AK8: variants seen among roughly 807,000 people sequenced by gnomAD.
AK8 encodes adenylate kinase 8.
AK8 carries 44 observed loss-of-function variants against 54.6 expected under a neutral mutation model. That is an observed-to-expected ratio of 0.81 (90% CI 0.63 to 1.04). The LOEUF (loss-of-function observed/expected upper bound fraction) is 1.04, where lower values mean the gene tolerates loss of function less well. Ranked by LOEUF, AK8 falls within the 50% of genes least tolerant of loss-of-function variation. The pLI, the probability that AK8 is intolerant of heterozygous loss-of-function variation, is 0.00. For missense variants in AK8, 555 were observed against 613.6 expected, an observed-to-expected ratio of 0.90 and a Z score of 1.01; for synonymous variants, 239 against 245.6, an observed-to-expected ratio of 0.97 and a Z score of 0.25.
At chr9:132,872,822 T>G (rs1843909812) in intron 2 of AK8, among the ~76,000 whole-genome samples, 1 of 152,102 alleles carries the variant, frequency 6.6e-6, no homozygotes, top group Non-Finnish European at 1.5e-5. Flanking sequence ...TTGTTTTGTT[T>G]TGTTTTAGAG....
chr9:132,878,853 C>A, upstream of AK8: 1 of 861,206 alleles, frequency 1.2e-6, no homozygotes, highest in South Asian at 5.3e-5. The surrounding 1 kb of genome is among the most constrained non-coding windows in gnomAD (Gnocchi z 4.7). Flanking sequence ...CGGTAACAAT[C>A]ACGCCCGCGG....
intron 11 of AK8, among the ~76,000 whole-genome samples, chr9:132,744,080 G>A (rs1262127185): frequency 6.6e-6 from 1 of 152,142 alleles, no homozygotes; most frequent in East Asian, 1.9e-4. Context: ...CTCCCGGTGT[G>A]CTAGACCCCA....
At chr9:132,824,550 G>C (rs1028805704) in intron 8 of AK8, among the ~76,000 whole-genome samples, 2 of 152,218 alleles carry the variant, frequency 1.3e-5, no homozygotes, top group African/African-American at 4.8e-5. Context: ...GGGCACTGTA[G>C]GATGTTGAGA....
intron 10 of AK8, among the ~76,000 whole-genome samples, chr9:132,797,297 G>A (rs367933581): frequency 7.6e-4 from 115 of 151,050 alleles, no homozygotes; most frequent in African/African-American, 2.1e-3. Flanking sequence ...TAATAAACAC[G>A]AAGGAAGGAA....
At chr9:132,778,577 TC>T (rs1839326065) in intron 11 of AK8, among the ~76,000 whole-genome samples, 1 of 152,196 alleles carries the variant, frequency 6.6e-6, no homozygotes, top group African/African-American at 2.4e-5. Context: ...AATTACAGCA[TC>T]CTTCTCACTT....
chr9:132,878,257 T>C lies in AK8; in HGVS notation c.-2A>G, dbSNP rs1844241559. 3.7e-6 allele frequency: 5 copies of C among 1,368,020 alleles called. No individual in the cohort carries two copies. Among genetic ancestry groups the C allele is most frequent in the Non-Finnish European group, 2.9e-6 (3 of 1,052,030 alleles). The allele number at this position is 1,368,020 out of a possible 1,614,324, so 84.7% of individuals were successfully genotyped here. ...GTGCGGGGCGATAGTGGCGTCCATG[T>C]AGCCGTCTCGGCTCGCCGCTCCCTA... On this transcript the variant is annotated 5_prime_UTR_variant, in exon 1 of 13. Transcript: ENST00000298545. The surrounding 1 kb of genome is among the most constrained non-coding windows in gnomAD (Gnocchi z 4.7).
chr9:132,749,019 T>C (rs1368066753), intron 11 of AK8, among the ~76,000 whole-genome samples: 2 of 151,548 alleles, frequency 1.3e-5, no homozygotes, highest in African/African-American at 4.8e-5. Context: ...GGATTACAGG[T>C]ACCTGCCACC....
intron 12 of AK8, among the ~76,000 whole-genome samples, chr9:132,726,946 C>T (rs573789737): frequency 2.8e-5 from 4 of 144,744 alleles, no homozygotes; most frequent in Admixed American, 7.4e-5. Flanking sequence ...GATGACAACA[C>T]CCGCCTCTTA....
In AK8 at chr9:132,765,292, C is replaced by CAAAAAAAAAA. The variant is rs61495439; in HGVS notation, c.1121+27332_1121+27341dup. On this transcript the variant is annotated intron_variant, in intron 11 of 12. Coordinates refer to ENST00000298545, the MANE Select transcript of AK8 (RefSeq NM_152572.3). ...TGGGCAACAGAGCGAGACTCCATTT[C>CAAAAAAAAAA]AAAAAAAAAAAAAAAAAAAAAAGAG... 6.2e-4 allele frequency among the ~76,000 whole-genome samples: 39 copies of CAAAAAAAAAA among 62,794 alleles called. 1 individual carries two copies. Among genetic ancestry groups the CAAAAAAAAAA allele is most frequent in the African/African-American group, 1.9e-3 (29 of 15,020 alleles). 41.2% of individuals were successfully genotyped at this position (62,794 alleles called of 152,430 possible). A position where few individuals can be genotyped will look rare whatever the true frequency, so the allele number is the denominator to read the frequency against.
intron 11 of AK8, among the ~76,000 whole-genome samples, chr9:132,729,857 C>T (rs1042966871): frequency 1.3e-5 from 2 of 152,222 alleles, no homozygotes; most frequent in African/African-American, 4.8e-5. Flanking sequence ...AGAAAGTAAA[C>T]TCAGGCCAGA....
At position 132,854,851 on chromosome 9, in the gene AK8, T is replaced by C. The variant is rs1158332082; in HGVS notation, c.402+6A>G. 1.2e-6 allele frequency: 2 copies of C among 1,613,606 alleles called. No homozygotes were observed. The highest frequency in any genetic ancestry group is 2.2e-5 in the East Asian group (1 of 44,828). On this transcript the variant is annotated splice_donor_region_variant and intron_variant, in intron 5 of 12. Transcript: ENST00000298545. ...CACTGAAACCCCTAGCTCACTGGAGTCTTACCTGCTTGATGCAATCCTCTT... is the reference window on the plus strand; with the variant it reads ...CACTGAAACCCCTAGCTCACTGGAGCCTTACCTGCTTGATGCAATCCTCTT...
rs375577620 is a variant in AK8, at chr9:132,786,697, C to T, written c.1121+5937G>A. ...TTCCATGCACTCAGAGCTTCCAAAT[C>T]GCTTTTTAGTCTCCCATTCTTAGAC... On this transcript the variant is annotated intron_variant, in intron 11 of 12. Coordinates refer to ENST00000298545, the MANE Select transcript of AK8 (RefSeq NM_152572.3). Among the ~76,000 whole-genome samples the T allele has an allele frequency of 2.1e-4, 32 of 152,192 alleles. 1 individual carries two copies. The highest frequency in any genetic ancestry group is 4.6e-4 in the African/African-American group (19 of 41,448).
chr9:132,866,167 C>T (rs987677846), intron 3 of AK8, among the ~76,000 whole-genome samples: 2 of 152,208 alleles, frequency 1.3e-5, no homozygotes, highest in Non-Finnish European at 2.9e-5. Context: ...CACTGCATTC[C>T]AGCCTGTGTG....
At chr9:132,783,937 G>A (rs936936904) in intron 11 of AK8, among the ~76,000 whole-genome samples, 22 of 152,152 alleles carry the variant, frequency 1.4e-4, no homozygotes, top group Non-Finnish European at 2.2e-4. Context: ...CAGAAAATCC[G>A]AATTATGAAA....
intron 1 of AK8, among the ~76,000 whole-genome samples, chr9:132,875,594 G>A (rs1844058570): frequency 6.6e-6 from 1 of 152,206 alleles, no homozygotes; most frequent in Non-Finnish European, 1.5e-5. Flanking sequence ...TCCTCATCCT[G>A]GCTAACTTCT....
At chr9:132,764,185 C>T (rs543442338) in intron 11 of AK8, among the ~76,000 whole-genome samples, 2 of 152,208 alleles carry the variant, frequency 1.3e-5, no homozygotes, top group Admixed American at 1.3e-4. Flanking sequence ...TGGTGTGCAC[C>T]TATAGTCCTA....
intron 11 of AK8, among the ~76,000 whole-genome samples, chr9:132,752,660 C>T (rs931167976): frequency 6.6e-6 from 1 of 152,174 alleles, no homozygotes; most frequent in Non-Finnish European, 1.5e-5. Flanking sequence ...GCTTCCCTTC[C>T]CCCAGCTCTC....
chr9:132,811,686 C>T (rs978493941), intron 10 of AK8, among the ~76,000 whole-genome samples: 3 of 152,196 alleles, frequency 2.0e-5, no homozygotes, highest in African/African-American at 7.2e-5. Context: ...TGAGCATTCG[C>T]ACACTGATGG....
intron 11 of AK8, among the ~76,000 whole-genome samples, chr9:132,786,258 C>T (rs980750292): frequency 6.6e-6 from 1 of 152,186 alleles, no homozygotes; most frequent in Non-Finnish European, 1.5e-5. Flanking sequence ...CCTCACTCCA[C>T]CCAGCTGAGT....
Sources: allele counts gnomAD v4.1 joint callset (sites outside exome capture counted in the v4.1 genomes callset), GRCh38; gene constraint gnomAD v4.1.1; non-coding constraint Gnocchi (gnomAD v3.1); transcripts MANE v1.5; gene names NCBI Gene and HGNC (gene_info 2026-07-23, HGNC 2026-07-21).